The following ST7L variants were observed in gnomAD, a reference collection of about 807,000 sequenced individuals.
The protein encoded by ST7L is suppression of tumorigenicity 7 like.
In ST7L, 57 loss-of-function variants were observed where a neutral mutation model predicts 72.5. The ratio of observed to expected loss-of-function variants is 0.79; its 90% CI spans 0.64 to 0.98. ST7L has a LOEUF of 0.98. ST7L is among the 50% of genes least tolerant of loss of function. The pLI, the probability that ST7L is intolerant of heterozygous loss-of-function variation, is 0.00. For missense variants in ST7L, 576 were observed against 672.2 expected, an observed-to-expected ratio of 0.86 and a Z score of 1.58; for synonymous variants, 221 against 240.9, an observed-to-expected ratio of 0.92 and a Z score of 0.77.
chr1:112,604,825 C>T (rs141820158), intron 3 of ST7L, among the ~76,000 whole-genome samples: 2,803 of 146,284 alleles, frequency 0.019, 92 homozygotes, highest in African/African-American at 0.066. Context: ...GTGGCTCATG[C>T]CTGTAATCCT....
At chr1:112,542,659 A>G (rs1455428603) in intron 13 of ST7L, among the ~76,000 whole-genome samples, 2 of 151,974 alleles carry the variant, frequency 1.3e-5, no homozygotes, top group Non-Finnish European at 2.9e-5. Flanking sequence ...GGAGGATGAG[A>G]TGGGAAAATC....
chr1:112,541,178 G>A (rs926058966), intron 14 of ST7L, among the ~76,000 whole-genome samples: 1 of 151,980 alleles, frequency 6.6e-6, no homozygotes, highest in Non-Finnish European at 1.5e-5. Flanking sequence ...CCAGCTACTC[G>A]GGGGGCTGAG....
At chr1:112,526,177 A>T in intron 14 of ST7L, 66 bp from the exon 15 acceptor site, 1 of 1,605,814 alleles carries the variant, frequency 6.2e-7, no homozygotes, top group Non-Finnish European at 8.5e-7. Flanking sequence ...CCAAGAGAGT[A>T]TATCTGAGCA....
chr1:112,548,977 A>C (rs1022973135), intron 13 of ST7L, among the ~76,000 whole-genome samples: 2 of 150,938 alleles, frequency 1.3e-5, no homozygotes, highest in East Asian at 3.9e-4. Context: ...TTCCATATAC[A>C]TTTTAGAATA....
chr1:112,548,811 C>G (rs1273014776), intron 13 of ST7L, among the ~76,000 whole-genome samples: 1 of 152,152 alleles, frequency 6.6e-6, no homozygotes, highest in Non-Finnish European at 1.5e-5. Flanking sequence ...AAAGTGTAGA[C>G]TGTTCTTTTG....
intron 2 of ST7L, among the ~76,000 whole-genome samples, chr1:112,614,467 T>G (rs1014077359): frequency 6.6e-6 from 1 of 152,216 alleles, no homozygotes; most frequent in African/African-American, 2.4e-5. Flanking sequence ...TTATGAGGCT[T>G]ATATTAACAT....
At chr1:112,545,356 A>C (rs1263997348) in intron 13 of ST7L, among the ~76,000 whole-genome samples, 1 of 152,182 alleles carries the variant, frequency 6.6e-6, no homozygotes, top group South Asian at 2.1e-4. Context: ...TACTATGTAA[A>C]ATTGGCCTTA....
chr1:112,556,092 C>T, intron 11 of ST7L, 74 bp from the exon 12 acceptor site: 1 of 1,158,320 alleles, frequency 8.6e-7, no homozygotes, highest in Non-Finnish European at 1.1e-6. Context: ...AATTCAAACA[C>T]CCACAAAAAT....
chr1:112,536,305 C>CA, intron 14 of ST7L, among the ~76,000 whole-genome samples: 1 of 151,976 alleles, frequency 6.6e-6, no homozygotes, highest in East Asian at 1.9e-4. Flanking sequence ...AAGAAGTATA[C>CA]AACTATCATG....
At chr1:112,544,926 C>T (rs1026006553) in intron 13 of ST7L, among the ~76,000 whole-genome samples, 3 of 152,052 alleles carry the variant, frequency 2.0e-5, no homozygotes, top group Admixed American at 6.6e-5. Flanking sequence ...TCCCTTGGAA[C>T]GAAAGTTCAA....
At chr1:112,606,096 G>A (rs1000889770) in intron 3 of ST7L, among the ~76,000 whole-genome samples, 1 of 152,054 alleles carries the variant, frequency 6.6e-6, no homozygotes, top group Non-Finnish European at 1.5e-5. Flanking sequence ...TTCTGTTCCT[G>A]GCTTCTACTA....
Position 112,559,815 on chromosome 1 carries a change from C to T in ST7L, c.1246-3797G>A, listed in dbSNP as rs192994634. On this transcript the variant is annotated intron_variant, in intron 11 of 14. Transcript: ENST00000358039. ...CCAAGATGGTGAAACCCCGTCTCTA[C>T]TAACTATACAAAAATTAGCCAGGCG... 2.4e-3 allele frequency among the ~76,000 whole-genome samples: 368 copies of T among 151,892 alleles called. 3 individuals are homozygous for T. The highest frequency in any genetic ancestry group is 8.6e-3 in the African/African-American group (356 of 41,484).
intron 3 of ST7L, among the ~76,000 whole-genome samples, chr1:112,606,863 CT>C (rs1407659707): frequency 6.6e-6 from 1 of 152,142 alleles, no homozygotes; most frequent in African/African-American, 2.4e-5. Context: ...GCCATCAATA[CT>C]ATCAGATTAG....
intron 14 of ST7L, chr1:112,539,673 AGAAAAAG>A: frequency 2.1e-6 from 2 of 935,606 alleles, no homozygotes; most frequent in Non-Finnish European, 2.5e-6. Flanking sequence ...AAAAAAAAAA[AGAAAAAG>A]AAAAAGAAAA....
intron 12 of ST7L, among the ~76,000 whole-genome samples, chr1:112,554,157 T>G (rs1658715760): frequency 6.6e-6 from 1 of 152,226 alleles, no homozygotes; most frequent in Non-Finnish European, 1.5e-5. Flanking sequence ...AAGCATTGAA[T>G]TTATTTTTGA....
chr1:112,531,893 T>C (rs1345860743), intron 14 of ST7L, among the ~76,000 whole-genome samples: 1 of 152,244 alleles, frequency 6.6e-6, no homozygotes, highest in Non-Finnish European at 1.5e-5. Flanking sequence ...ACAGGCCCTA[T>C]TGGAGTCCTT....
At chr1:112,590,543 A>G (rs952230910) in intron 6 of ST7L, among the ~76,000 whole-genome samples, 8 of 152,186 alleles carry the variant, frequency 5.3e-5, no homozygotes, top group Middle Eastern at 3.4e-3. Context: ...TACTTGGGGG[A>G]GAAGGTTCAG....
intron 2 of ST7L, among the ~76,000 whole-genome samples, chr1:112,613,347 T>C (rs1669364847): frequency 6.6e-6 from 1 of 152,192 alleles, no homozygotes; most frequent in Non-Finnish European, 1.5e-5. Flanking sequence ...ATGCATTATG[T>C]CATTTAATTT....
At chr1:112,570,924 C>T (rs1393906933) in intron 11 of ST7L, among the ~76,000 whole-genome samples, 1 of 152,200 alleles carries the variant, frequency 6.6e-6, no homozygotes, top group Non-Finnish European at 1.5e-5. Context: ...AATCCCAGCA[C>T]TTAGCGGGGC....
Sources: gnomAD v4.1 joint callset for allele counts (sites outside exome capture counted in the v4.1 genomes callset) on GRCh38, gnomAD v4.1.1 for gene constraint, MANE v1.5 for transcripts, NCBI Gene and HGNC (gene_info 2026-07-23, HGNC 2026-07-21) for gene names.